The following MPP7 variants were observed in gnomAD, a reference collection of about 807,000 sequenced individuals.
MPP7 encodes MAGUK p55 subfamily member 7.
MPP7 carries 60 observed loss-of-function variants against 76.5 expected under a neutral mutation model. The ratio of observed to expected loss-of-function variants is 0.78; its 90% CI spans 0.64 to 0.97. The LOEUF (loss-of-function observed/expected upper bound fraction) is 0.97. MPP7 is among the 50% of genes least tolerant of loss of function. MPP7 has a pLI of 0.00. For synonymous variants in MPP7, 237 were observed against 244.5 expected (o/e 0.97, Z 0.29); for missense variants, 641 against 694.0 (o/e 0.92, Z 0.86).
At chr10:28,058,843 C>A (rs913308340) in intron 14 of MPP7, among the ~76,000 whole-genome samples, 2 of 152,114 alleles carry the variant, frequency 1.3e-5, no homozygotes, top group African/African-American at 4.8e-5. Context: ...GTACTTTAGT[C>A]TAGTAGGGCT....
At chr10:28,057,605 CTT>C (rs59550501) in intron 15 of MPP7, 21 of 122,580 alleles carry the variant, frequency 1.7e-4, no homozygotes, top group African/African-American at 9.5e-4. Context: ...AATTAAACCT[CTT>C]TTTTTTTTTT....
At chr10:28,160,856 T>C (rs1836235710) in intron 3 of MPP7, among the ~76,000 whole-genome samples, 1 of 152,186 alleles carries the variant, frequency 6.6e-6, no homozygotes, top group Admixed American at 6.5e-5. Context: ...GATTTTGAGG[T>C]CTGAAAAGTA....
At chr10:28,242,825 T>C (rs143643978) in intron 1 of MPP7, among the ~76,000 whole-genome samples, 1 of 151,662 alleles carries the variant, frequency 6.6e-6, no homozygotes, top group Non-Finnish European at 1.5e-5. Context: ...TCATTCAGAG[T>C]AGGAGGAGGA....
intron 16 of MPP7, among the ~76,000 whole-genome samples, chr10:28,054,796 C>T (rs1851493506): frequency 6.6e-6 from 1 of 152,134 alleles, no homozygotes; most frequent in Non-Finnish European, 1.5e-5. Flanking sequence ...CCTGCCTCAG[C>T]CTCCCGAGTA....
At chr10:28,153,670 AT>A (rs1251824294) in intron 3 of MPP7, among the ~76,000 whole-genome samples, 1 of 152,198 alleles carries the variant, frequency 6.6e-6, no homozygotes, top group Admixed American at 6.5e-5. Context: ...TAGTGAGGAA[AT>A]CTGTTTTACT....
chr10:28,301,531 C>T (rs1010600122), intron 1 of MPP7, among the ~76,000 whole-genome samples: 2 of 152,112 alleles, frequency 1.3e-5, no homozygotes, highest in Admixed American at 1.3e-4. Context: ...CCTGTGTATA[C>T]GGGATCAAAT....
chr10:28,306,668 T>TAGAA (rs113787029), upstream of MPP7, among the ~76,000 whole-genome samples: 22 of 148,510 alleles, frequency 1.5e-4, no homozygotes, highest in African/African-American at 4.5e-4. Flanking sequence ...GATAGATAGA[T>TAGAA]AGAGAGAGAG....
Position 28,120,593 on chromosome 10 carries a change from C to T in MPP7, c.690+1G>A. On this transcript the variant is annotated splice_donor_variant, in intron 9 of 16. Coordinates refer to ENST00000683449, the MANE Select transcript of MPP7 (RefSeq NM_001318170.2). LOFTEE classifies it high-confidence loss of function. ...AAGAAATGTTTTTAAGCAATAATTA[C>T]CTTGCCTTCTTTTGATGGTGTCTCC... The T allele has an allele frequency of 6.2e-7, 1 of 1,613,322 alleles. No individual in the cohort carries two copies. Among genetic ancestry groups the T allele is most frequent in the Non-Finnish European group, 8.5e-7 (1 of 1,179,476 alleles).
At chr10:28,089,158 C>A (rs1294452096) in intron 12 of MPP7, among the ~76,000 whole-genome samples, 4 of 152,166 alleles carry the variant, frequency 2.6e-5, no homozygotes, top group African/African-American at 9.7e-5. Context: ...AGTGATCCTC[C>A]CACCCTGGCC....
intron 1 of MPP7, among the ~76,000 whole-genome samples, chr10:28,253,744 C>T (rs928926146): frequency 4.6e-5 from 7 of 151,764 alleles, no homozygotes; most frequent in Non-Finnish European, 1.0e-4. Flanking sequence ...GCCTGTAATC[C>T]CAGCATTTTC....
intron 2 of MPP7, among the ~76,000 whole-genome samples, chr10:28,205,985 T>G (rs1365725646): frequency 2.6e-5 from 4 of 152,192 alleles, no homozygotes; most frequent in Admixed American, 2.0e-4. Flanking sequence ...TCTCTTTGCC[T>G]TTCTGCCATG....
At chr10:28,221,639 T>G in intron 2 of MPP7, among the ~76,000 whole-genome samples, 1 of 152,182 alleles carries the variant, frequency 6.6e-6, no homozygotes, top group South Asian at 2.1e-4. Context: ...TAAGAGACAC[T>G]TGCTAGAGTA....
At chr10:28,313,418 A>G (rs1459759996) in intron 2 of MPP7, among the ~76,000 whole-genome samples, 1 of 152,120 alleles carries the variant, frequency 6.6e-6, no homozygotes, top group Non-Finnish European at 1.5e-5. Flanking sequence ...AGGCAGGAGA[A>G]TCTCTTGAAC....
chr10:28,114,351 G>T (rs1224554259), intron 11 of MPP7, among the ~76,000 whole-genome samples: 1 of 152,140 alleles, frequency 6.6e-6, no homozygotes. Context: ...GTTCAAAGCT[G>T]CAGTCAGCTA....
chr10:28,274,875 A>T (rs1840443010), intron 1 of MPP7, among the ~76,000 whole-genome samples: 2 of 152,180 alleles, frequency 1.3e-5, no homozygotes, highest in African/African-American at 4.8e-5. Context: ...ATGACTTTCT[A>T]GTCACATTTA....
At chr10:28,324,649 ATTC>A (rs1463061351) in intron 2 of MPP7, among the ~76,000 whole-genome samples, 3 of 152,192 alleles carry the variant, frequency 2.0e-5, no homozygotes, top group African/African-American at 7.2e-5. Context: ...GGTAATAAAG[ATTC>A]TTCTTTTTAA....
At chr10:28,153,897 T>C (rs1835963484) in intron 3 of MPP7, among the ~76,000 whole-genome samples, 1 of 152,164 alleles carries the variant, frequency 6.6e-6, no homozygotes, top group Non-Finnish European at 1.5e-5. Flanking sequence ...GCCCAGTAGT[T>C]TGACTCTTCA....
chr10:28,270,501 C>T (rs1442199811), intron 1 of MPP7, among the ~76,000 whole-genome samples: 2 of 119,286 alleles, frequency 1.7e-5, no homozygotes, highest in Non-Finnish European at 3.2e-5. Flanking sequence ...GCCTGGGCAA[C>T]ATAACAAGAC....
At chr10:28,054,959 A>G (rs1253148173) in intron 16 of MPP7, among the ~76,000 whole-genome samples, 1 of 152,174 alleles carries the variant, frequency 6.6e-6, no homozygotes, top group Non-Finnish European at 1.5e-5. Flanking sequence ...GATTACAGGC[A>G]TGAGCCACCA....
Sources: gnomAD v4.1 joint callset for allele counts (sites outside exome capture counted in the v4.1 genomes callset) on GRCh38, gnomAD v4.1.1 for gene constraint, MANE v1.5 for transcripts, NCBI Gene and HGNC (gene_info 2026-07-23, HGNC 2026-07-21) for gene names.